Variants in MAN1A1 observed in about 807,000 individuals in gnomAD.
MAN1A1 encodes the protein mannosyl-oligosaccharide 1,2-alpha-mannosidase IA.
Under a neutral mutation model 70.8 loss-of-function variants are expected in MAN1A1, and 29 were observed. The ratio of observed to expected loss-of-function variants is 0.41; its 90% confidence interval spans 0.31 to 0.56. The LOEUF (loss-of-function observed/expected upper bound fraction) is 0.56, where lower values mean the gene tolerates loss of function less well. Among genes scored for constraint, MAN1A1 ranks in the 20% least tolerant of loss-of-function variants. The pLI, the probability that MAN1A1 is intolerant of heterozygous loss-of-function variation, is 0.29. For synonymous variants in MAN1A1, 349 were observed against 330.1 expected, an observed-to-expected ratio of 1.06 and a Z score of -0.62; for missense variants, 747 against 841.3, an observed-to-expected ratio of 0.89 and a Z score of 1.39.
At chr6:119,180,479 C>T (rs969464955) in intron 11 of MAN1A1, 52 bp from the exon 12 acceptor site, 3 of 940,078 alleles carry the variant, frequency 3.2e-6, no homozygotes, top group Non-Finnish European at 5.1e-6. Context: ...AACTGATTGT[C>T]ACTAATTTTT....
At position 119,348,500 on chromosome 6, in the gene MAN1A1, T is replaced by C. The variant is rs745565814; in HGVS notation, c.566A>G (p.Asp189Gly). The C allele has an allele frequency of 2.5e-6, 4 of 1,608,800 alleles. No homozygotes were observed. Among genetic ancestry groups the C allele is most frequent in the South Asian group, 1.1e-5 (1 of 90,392 alleles). ...PIGVESREPA[D>G]AAIREKRAKI... is the part of the protein sequence containing the mutation. ...TGCCCTTTTCTCGCGGATGGCGGCG[T>C]CGGCGGGCTCCCGGCTCTCCACCCC... is the stretch of plus-strand genomic sequence containing the variant. Residue 189 changes from aspartate to glycine, a missense_variant, in exon 2 of 13, where the codon GAC becomes GGC. Transcript: ENST00000368468.
chr6:119,349,156 C>G lies in MAN1A1; in HGVS notation c.-91G>C. On this transcript the variant is annotated 5_prime_UTR_variant, in exon 2 of 13. Transcript: ENST00000368468. ...TCCGCGGCTGCGGGGCTGGGTCCTGCGTAGCCAGGCCGCCCGACCCCCTCG... is the reference window on the plus strand; with the variant it reads ...TCCGCGGCTGCGGGGCTGGGTCCTGGGTAGCCAGGCCGCCCGACCCCCTCG... 3 of 1,233,716 alleles carry G rather than the reference C, an allele frequency of 2.4e-6. No homozygotes were observed. The highest frequency in any genetic ancestry group is 3.1e-5 in the African/African-American group (2 of 63,866). The allele number at this position is 1,233,716 out of a possible 1,614,324, so 76.4% of individuals were successfully genotyped here.
At chr6:119,342,942 TC>T (rs1773635673) in intron 2 of MAN1A1, among the ~76,000 whole-genome samples, 1 of 152,142 alleles carries the variant, frequency 6.6e-6, no homozygotes, top group Non-Finnish European at 1.5e-5. Context: ...CCACTTTTCC[TC>T]ATAAAGAATG....
intron 10 of MAN1A1, among the ~76,000 whole-genome samples, chr6:119,189,033 G>T (rs1773368484): frequency 6.6e-6 from 1 of 152,000 alleles, no homozygotes; most frequent in South Asian, 2.1e-4. Context: ...TTTTAAAAAC[G>T]AGTTATAAAC....
At chr6:119,189,244 A>T (rs1047592901) in intron 10 of MAN1A1, among the ~76,000 whole-genome samples, 41 of 152,200 alleles carry the variant, frequency 2.7e-4, no homozygotes, top group African/African-American at 9.7e-4. Context: ...TCGTAACAGA[A>T]GGCCAGTTAT....
Position 119,193,869 on chromosome 6 carries a change from C to A in MAN1A1, c.1234G>T (p.Gly412Ter). 6.2e-7 allele frequency: 1 copy of A among 1,611,494 alleles called. No individual in the cohort carries two copies. The highest frequency in any genetic ancestry group is 2.2e-5 in the East Asian group (1 of 44,768). The change falls in exon 9 of 13, where the codon GGA becomes TGA. Residue 412 changes from glycine to a stop codon, truncating the protein, a stop_gained. Coordinates refer to ENST00000368468, the MANE Select transcript of MAN1A1 (RefSeq NM_005907.4). LOFTEE classifies it high-confidence loss of function. Reference sequence around the variant, plus strand: ...AGCAAATACTCATAGAAGCTGTCTCCAAGTCCTCCAACTGATACATGATCT... The same window carrying A: ...AGCAAATACTCATAGAAGCTGTCTCAAAGTCCTCCAACTGATACATGATCT... ...GQHHVSVGGL[G>*]DSFYEYLLKA...
intron 2 of MAN1A1, among the ~76,000 whole-genome samples, chr6:119,335,111 A>G (rs1773419024): frequency 6.6e-6 from 1 of 152,220 alleles, no homozygotes. Context: ...ATTTGGCAAC[A>G]ACAACTAAAA....
chr6:119,323,375 A>C (rs1773067252), intron 2 of MAN1A1, among the ~76,000 whole-genome samples: 1 of 152,220 alleles, frequency 6.6e-6, no homozygotes, highest in Admixed American at 6.5e-5. Flanking sequence ...CAAATTTGTT[A>C]AATACCATGA....
chr6:119,343,247 T>C (rs1213205197), intron 2 of MAN1A1, among the ~76,000 whole-genome samples: 1 of 152,186 alleles, frequency 6.6e-6, no homozygotes, highest in African/African-American at 2.4e-5. Context: ...TAAGCACGGA[T>C]AATTTATACA....
At chr6:119,295,255 T>G (rs1299724076) in intron 4 of MAN1A1, among the ~76,000 whole-genome samples, 1 of 152,076 alleles carries the variant, frequency 6.6e-6, no homozygotes, top group East Asian at 1.9e-4. Context: ...AGACAGCACT[T>G]TAAACAACTC....
intron 2 of MAN1A1, among the ~76,000 whole-genome samples, chr6:119,313,039 G>A (rs1772753675): frequency 1.3e-5 from 2 of 152,086 alleles, no homozygotes; most frequent in Admixed American, 6.5e-5. Flanking sequence ...GGCTTCAGGA[G>A]GTTAAACAGA....
intron 5 of MAN1A1, among the ~76,000 whole-genome samples, chr6:119,255,051 T>C (rs929899877): frequency 6.6e-6 from 1 of 152,200 alleles, no homozygotes; most frequent in Non-Finnish European, 1.5e-5. Flanking sequence ...CCCTGACAGA[T>C]AGTATCAGAC....
chr6:119,250,164 A>G (rs1775278836), intron 5 of MAN1A1, among the ~76,000 whole-genome samples: 1 of 152,216 alleles, frequency 6.6e-6, no homozygotes, highest in Admixed American at 6.5e-5. Context: ...CTTCTGCTAC[A>G]AGGATTTATC....
chr6:119,225,324 C>T (rs770332452), intron 6 of MAN1A1, among the ~76,000 whole-genome samples: 8 of 151,972 alleles, frequency 5.3e-5, no homozygotes, highest in Non-Finnish European at 7.4e-5. Flanking sequence ...ATCACTTGAT[C>T]TTGGGAGTTT....
chr6:119,200,398 A>G (rs1358097416), intron 8 of MAN1A1, among the ~76,000 whole-genome samples: 2 of 152,200 alleles, frequency 1.3e-5, no homozygotes, highest in Non-Finnish European at 2.9e-5. Context: ...ATATTTTAGC[A>G]TATGGATTTT....
At chr6:119,349,772 C>G, upstream of MAN1A1, 1 of 984,942 alleles carries the variant, frequency 1.0e-6, no homozygotes, top group South Asian at 4.7e-5. Flanking sequence ...AATCTCACTG[C>G]CGGTCTTGGG....
chr6:119,288,738 CTG>C (rs1776449975), intron 5 of MAN1A1, among the ~76,000 whole-genome samples: 1 of 151,782 alleles, frequency 6.6e-6, no homozygotes, highest in South Asian at 2.1e-4. Context: ...AATAATCTAA[CTG>C]TTCAACATTC....
At chr6:119,310,548 G>A (rs1402514380) in intron 2 of MAN1A1, among the ~76,000 whole-genome samples, 1 of 152,190 alleles carries the variant, frequency 6.6e-6, no homozygotes, top group Non-Finnish European at 1.5e-5. Flanking sequence ...CCAACGTGGG[G>A]CGCCCTGGTG....
intron 6 of MAN1A1, among the ~76,000 whole-genome samples, chr6:119,219,165 T>A (rs1288559390): frequency 6.6e-6 from 1 of 152,052 alleles, no homozygotes; most frequent in East Asian, 1.9e-4. Flanking sequence ...TTTTCCCATC[T>A]TACTGCAAAA....
Sources: allele counts gnomAD v4.1 joint callset (sites outside exome capture counted in the v4.1 genomes callset), GRCh38; gene constraint gnomAD v4.1.1; transcripts MANE v1.5; gene names NCBI Gene and HGNC (gene_info 2026-07-23, HGNC 2026-07-21).